The following C3orf49 variants were observed in gnomAD, a reference collection of about 807,000 sequenced individuals.
C3orf49 encodes the protein putative uncharacterized protein C3orf49.
A neutral mutation model predicts 13.3 loss-of-function variants in C3orf49; 27 were observed. The ratio of observed to expected loss-of-function variants is 2.02; its 90% CI spans 1.49 to 2.79. The LOEUF (loss-of-function observed/expected upper bound fraction) is 2.79. C3orf49 is among the 30% of genes most tolerant of loss of function. The pLI is 0.00. For synonymous variants in C3orf49, 87 were observed against 47.6 expected (o/e 1.83, Z -3.40); for missense variants, 242 against 134.2 (o/e 1.80, Z -3.97).
chr3:63,793,209 G>A, the C3orf49 span, among the ~76,000 whole-genome samples: 3 of 152,094 alleles, frequency 2.0e-5, no homozygotes, highest in Non-Finnish European at 4.4e-5. Context: ...CTAGTCTCAA[G>A]CATAAATTAT....
the C3orf49 span, chr3:63,782,335 AAAAC>A: frequency 7.7e-4 from 117 of 152,330 alleles, no homozygotes; most frequent in African/African-American, 2.5e-3. Flanking sequence ...CTTCTCAAAA[AAAAC>A]AAACAAACAT....
At chr3:63,791,713 G>A in the C3orf49 span, among the ~76,000 whole-genome samples, 2 of 152,150 alleles carry the variant, frequency 1.3e-5, no homozygotes, top group African/African-American at 4.8e-5. Context: ...ACCATGAATT[G>A]CCATGCTATA....
At chr3:63,832,043 A>C in intron 5 of C3orf49, 199 bp downstream of exon 5, 1 of 486,022 alleles carries the variant, frequency 2.1e-6, no homozygotes, top group Non-Finnish European at 3.6e-6. Flanking sequence ...AAAATACAAA[A>C]ATTATCCAGG....
the C3orf49 span, among the ~76,000 whole-genome samples, chr3:63,811,685 G>A: frequency 2.3e-4 from 35 of 151,912 alleles, no homozygotes; most frequent in African/African-American, 8.0e-4. Context: ...TTCAACTTGG[G>A]AGGTATAGCA....
intron 5 of C3orf49, chr3:63,838,044 G>T: frequency 6.2e-7 from 1 of 1,607,476 alleles, no homozygotes. Context: ...TTTTTCATGT[G>T]CTCCAGCTAT....
the C3orf49 span, among the ~76,000 whole-genome samples, chr3:63,809,655 T>G: frequency 6.6e-6 from 1 of 152,104 alleles, no homozygotes; most frequent in Non-Finnish European, 1.5e-5. Context: ...CCACTCTTGC[T>G]CTCCCTCCCT....
the C3orf49 span, among the ~76,000 whole-genome samples, chr3:63,792,693 A>G: frequency 6.6e-6 from 1 of 152,224 alleles, no homozygotes; most frequent in South Asian, 2.1e-4. Context: ...CACAGATAAT[A>G]CAATTTTATA....
At chr3:63,827,765 T>A (rs570385503) in intron 3 of C3orf49, 40 bp downstream of exon 3, 3 of 697,104 alleles carry the variant, frequency 4.3e-6, no homozygotes, top group South Asian at 3.0e-5. Context: ...GACTTACACA[T>A]AACTCAATGT....
chr3:63,825,020 T>C (rs994163583), intron 2 of C3orf49, among the ~76,000 whole-genome samples: 4 of 152,146 alleles, frequency 2.6e-5, no homozygotes, highest in African/African-American at 7.2e-5. Context: ...AATATTGATA[T>C]ATTACTATTA....
At chr3:63,795,268 G>A in the C3orf49 span, among the ~76,000 whole-genome samples, 1 of 152,098 alleles carries the variant, frequency 6.6e-6, no homozygotes, top group South Asian at 2.1e-4. Context: ...TACATGAGGT[G>A]AGCAGGAAGT....
chr3:63,796,291 T>A, the C3orf49 span, among the ~76,000 whole-genome samples: 1 of 152,136 alleles, frequency 6.6e-6, no homozygotes, highest in Non-Finnish European at 1.5e-5. Flanking sequence ...GTCAACTTTT[T>A]CACACACAAG....
chr3:63,783,729 A>T, the C3orf49 span, among the ~76,000 whole-genome samples: 12 of 148,522 alleles, frequency 8.1e-5, no homozygotes, highest in South Asian at 2.1e-4. Flanking sequence ...AAAAAAAATT[A>T]AATTAATTAA....
At chr3:63,795,613 C>T in the C3orf49 span, among the ~76,000 whole-genome samples, 2 of 152,030 alleles carry the variant, frequency 1.3e-5, no homozygotes, top group African/African-American at 4.8e-5. Context: ...TTCCTTCTAA[C>T]CGCCCGAGGT....
upstream of C3orf49, among the ~76,000 whole-genome samples, chr3:63,817,972 A>AT (rs1463918191): frequency 6.6e-6 from 1 of 152,180 alleles, no homozygotes; most frequent in African/African-American, 2.4e-5. Flanking sequence ...TCATGTATTC[A>AT]TTTATTCAAG....
the C3orf49 span, among the ~76,000 whole-genome samples, chr3:63,796,279 C>A: frequency 6.6e-6 from 1 of 152,118 alleles, no homozygotes; most frequent in Non-Finnish European, 1.5e-5. Flanking sequence ...TGCCTCTTGA[C>A]CGTCAACTTT....
At chr3:63,801,462 C>T in the C3orf49 span, among the ~76,000 whole-genome samples, 90 of 151,930 alleles carry the variant, frequency 5.9e-4, no homozygotes, top group Non-Finnish European at 1.0e-3. Context: ...ATGATATAGA[C>T]ACATCATTAA....
At chr3:63,810,796 T>C in the C3orf49 span, among the ~76,000 whole-genome samples, 1 of 152,184 alleles carries the variant, frequency 6.6e-6, no homozygotes, top group East Asian at 1.9e-4. Flanking sequence ...CATACGATAA[T>C]CTCTAGAAAA....
chr3:63,793,063 A>C, the C3orf49 span, among the ~76,000 whole-genome samples: 28 of 152,276 alleles, frequency 1.8e-4, no homozygotes, highest in South Asian at 1.9e-3. Context: ...CTCCTTTCAC[A>C]CGCTCTCCTT....
At chr3:63,844,797 C>A (rs1701850738) in intron 5 of C3orf49, among the ~76,000 whole-genome samples, 1 of 152,146 alleles carries the variant, frequency 6.6e-6, no homozygotes, top group African/African-American at 2.4e-5. Flanking sequence ...GAATTTCCCA[C>A]CCTCTAGAAC....
Sources: gnomAD v4.1 joint callset for allele counts (sites outside exome capture counted in the v4.1 genomes callset) on GRCh38, gnomAD v4.1.1 for gene constraint, MANE v1.5 for transcripts, NCBI Gene and HGNC (gene_info 2026-07-23, HGNC 2026-07-21) for gene names.